The following ATP2C2 variants were observed in gnomAD, a reference collection of about 807,000 sequenced individuals.
The protein encoded by ATP2C2 is calcium-transporting ATPase type 2C member 2.
Under a neutral mutation model 110.8 loss-of-function variants are expected in ATP2C2, and 171 were observed. The observed-to-expected ratio is 1.54, with a 90% CI of 1.36 to 1.75. The LOEUF (loss-of-function observed/expected upper bound fraction) is 1.75. Among genes scored for constraint, ATP2C2 ranks in the 40% most tolerant of loss-of-function variants. The pLI, the probability that ATP2C2 is intolerant of heterozygous loss-of-function variation, is 0.00. For missense variants in ATP2C2, 1,963 were observed against 1,235.0 expected (o/e 1.59, Z -8.84); for synonymous variants, 804 against 508.4 (o/e 1.58, Z -7.82).
intron 11 of ATP2C2, among the ~76,000 whole-genome samples, chr16:84,427,612 G>C (rs1907914015): frequency 6.6e-6 from 1 of 152,122 alleles, no homozygotes; most frequent in Non-Finnish European, 1.5e-5. Flanking sequence ...AGCTACTCGG[G>C]AGGCTGAGGC....
intron 24 of ATP2C2, 23 bp downstream of exon 24, chr16:84,460,824 T>A: frequency 6.3e-7 from 1 of 1,597,888 alleles, no homozygotes; most frequent in South Asian, 1.1e-5. Context: ...CACCCCGGCC[T>A]GTTCTCCAAG....
chr16:84,400,000 C>T (rs1442586438), intron 2 of ATP2C2, among the ~76,000 whole-genome samples: 2 of 151,736 alleles, frequency 1.3e-5, no homozygotes, highest in East Asian at 1.9e-4. Flanking sequence ...CAGCGAGAAC[C>T]TGCAAAGTTT....
intron 3 of ATP2C2, among the ~76,000 whole-genome samples, chr16:84,408,149 A>C (rs1905942982): frequency 6.6e-6 from 1 of 152,208 alleles, no homozygotes; most frequent in Admixed American, 6.5e-5. Context: ...GGCGAGACCA[A>C]GAACTCAAAG....
intron 1 of ATP2C2, among the ~76,000 whole-genome samples, chr16:84,388,752 T>A (rs890203600): frequency 3.9e-5 from 6 of 152,140 alleles, no homozygotes; most frequent in Non-Finnish European, 7.4e-5. Context: ...TATTGTGAAA[T>A]TCTTTTTTTG....
Position 84,463,533 on chromosome 16 carries a change from G to C in ATP2C2, c.2723-81G>C, listed in dbSNP as rs1293554126. On this transcript the variant is annotated intron_variant, in intron 26 of 26. Coordinates refer to ENST00000262429, the MANE Select transcript of ATP2C2 (RefSeq NM_014861.4). The stretch of plus-strand genomic sequence containing the variant: ...CTCCGCACCTCTCACTTTATCAGGA[G>C]GACTGGCAGGGAAGGCGCTTCCTGC... The C allele has an allele frequency of 4.3e-6, 5 of 1,165,710 alleles. No individual in the cohort carries two copies. In the African/African-American group the frequency reaches 6.1e-5, roughly 14 times the overall value. 72.2% of individuals were successfully genotyped at this position (1,165,710 alleles called of 1,614,324 possible). A position where few individuals can be genotyped will look rare whatever the true frequency, so the allele number is the denominator to read the frequency against.
chr16:84,439,797 C>T (rs1228573864), intron 13 of ATP2C2, among the ~76,000 whole-genome samples: 4 of 152,154 alleles, frequency 2.6e-5, no homozygotes, highest in Admixed American at 6.5e-5. Flanking sequence ...TCTTCCATAC[C>T]TTCCACGATA....
intron 6 of ATP2C2, 55 bp from the exon 7 acceptor site, chr16:84,415,428 G>C: frequency 7.2e-7 from 1 of 1,397,636 alleles, no homozygotes; most frequent in East Asian, 2.3e-5. Context: ...GTATCAAGGT[G>C]CATAAAAACA....
Position 84,451,989 on chromosome 16 carries a change from C to T in ATP2C2, c.1729C>T (p.Pro577Ser). 6.2e-7 allele frequency: 1 copy of T among 1,613,996 alleles called. No homozygotes were observed. Among genetic ancestry groups the T allele is most frequent in the Non-Finnish European group, 8.5e-7 (1 of 1,179,986 alleles). ...TCTCGGTCTTGTGGGCATCATTGAC[C>T]CCCCGAGAGTTGGCGTGAAGGAAGC... ...TFLGLVGIID[P>S]PRVGVKEAVQ... Residue 577 changes from proline (P) to serine (S), a missense_variant, in exon 18 of 27, where the codon CCC (proline) becomes TCC (serine). Coordinates refer to ENST00000262429, the MANE Select transcript of ATP2C2 (RefSeq NM_014861.4).
At position 84,425,766 on chromosome 16, in the gene ATP2C2, G is replaced by A; in HGVS notation, c.951G>A (p.Gly317=). The A allele has an allele frequency of 6.2e-7, 1 of 1,614,134 alleles. No individual in the cohort carries two copies. Among genetic ancestry groups the A allele is most frequent in the Non-Finnish European group, 8.5e-7 (1 of 1,180,034 alleles). Residue 317 remains glycine (G), a synonymous_variant, in exon 11 of 27, where the codon GGG becomes GGA. Transcript: ENST00000262429. ...GLIMLIGWSQ[G]KQLLSMFTIG... ...TCATGCTCATTGGCTGGTCGCAAGGGAAACAACTCCTGAGTATGTTCACGA... is the reference window on the plus strand; with the variant it reads ...TCATGCTCATTGGCTGGTCGCAAGGAAAACAACTCCTGAGTATGTTCACGA...
At position 84,440,917 on chromosome 16, in the gene ATP2C2, A is replaced by G. The variant is rs1567726846; in HGVS notation, c.1270A>G (p.Ile424Val). 1 of 1,613,488 alleles carries G rather than the reference A, an allele frequency of 6.2e-7. No homozygotes were observed. Among genetic ancestry groups the G allele is most frequent in the Middle Eastern group, 1.6e-4 (1 of 6,062 alleles). Residue 424 changes from isoleucine to valine, a missense_variant, in exon 14 of 27, where the codon ATT becomes GTT. Coordinates refer to ENST00000262429, the MANE Select transcript of ATP2C2 (RefSeq NM_014861.4). ...GTGTCTTCTACCATCCAAGGAAGTC[A>G]TTAAGGAATTTTCCAATGTCTCAGT... Reference protein sequence around the residue: ...TVCLLPSKEVIKEFSNVSVGK... With the variant: ...TVCLLPSKEVVKEFSNVSVGK...
In ATP2C2 at chr16:84,463,945, G is replaced by T. The variant is rs987296502; in HGVS notation, c.*213G>T. 1 of 554,950 alleles carries T rather than the reference G, an allele frequency of 1.8e-6. No individual in the cohort carries two copies. The highest frequency in any genetic ancestry group is 1.9e-5 in the African/African-American group (1 of 53,104). 34.4% of individuals were successfully genotyped at this position (554,950 alleles called of 1,614,324 possible). A position where few individuals can be genotyped will look rare whatever the true frequency, so the allele number is the denominator to read the frequency against. ...GTTCCCGCTGGCTGTGGGACAGACA[G>T]GGAGGGGCCTGTACAGAAACACCAC... On this transcript the variant is annotated 3_prime_UTR_variant, in exon 27 of 27. Transcript: ENST00000262429.
intron 3 of ATP2C2, chr16:84,406,720 C>T (rs542813410): frequency 6.6e-6 from 6 of 908,260 alleles, no homozygotes; most frequent in South Asian, 5.1e-5. Flanking sequence ...AGTGGAGGCT[C>T]CCGGAAGTTG....
chr16:84,424,635 T>G (rs1907648736), intron 10 of ATP2C2, among the ~76,000 whole-genome samples: 1 of 149,164 alleles, frequency 6.7e-6, no homozygotes. Context: ...ATGGAGAGTT[T>G]TGACACTCAG....
chr16:84,448,811 G>C, intron 17 of ATP2C2, 122 bp downstream of exon 17: 1 of 1,342,444 alleles, frequency 7.4e-7, no homozygotes, highest in Non-Finnish European at 1.0e-6. Flanking sequence ...GCAGCATGCT[G>C]ACGGCAATAA....
In ATP2C2 at chr16:84,373,496, T is replaced by C. The variant is rs180821842; in HGVS notation, c.99+4782T>C. Among the ~76,000 whole-genome samples the C allele has an allele frequency of 2.4e-4, 31 of 129,326 alleles. 1 individual carries two copies. The highest frequency in any genetic ancestry group is 6.9e-4 in the Admixed American group (9 of 13,070). The allele number at this position is 129,326 out of a possible 152,430, so 84.8% of individuals were successfully genotyped here. A position where few individuals can be genotyped will look rare whatever the true frequency, so the allele number is the denominator to read the frequency against. On this transcript the variant is annotated intron_variant, in intron 1 of 26. Transcript: ENST00000262429. ...GCCTGGGTGACAGAGCGAGACTCCATCTCAAAACAACAACAACAAAAAAAG... is the reference window on the plus strand; with the variant it reads ...GCCTGGGTGACAGAGCGAGACTCCACCTCAAAACAACAACAACAAAAAAAG...
rs530311032 is a variant in ATP2C2 at position 84,433,251 on chromosome 16, T to A, written c.987-5915T>A. On this transcript the variant is annotated intron_variant, in intron 11 of 26. Transcript: ENST00000262429. ...TTTTGTTATTAGCCAGGTATGGTGG[T>A]GCACGCTTGTAGCCCCAGCTACTTG... Among the ~76,000 whole-genome samples, 37 of 152,048 alleles carry A rather than the reference T, an allele frequency of 2.4e-4. 1 individual carries two copies. The highest frequency in any genetic ancestry group is 8.2e-4 in the African/African-American group (34 of 41,458).
Position 84,422,386 on chromosome 16 carries a change from C to G in ATP2C2, c.625-4C>G. On this transcript the variant is annotated splice_polypyrimidine_tract_variant and splice_region_variant and intron_variant, in intron 7 of 26. Transcript: ENST00000262429. ...TCCACAGCCTTTTCCCCTTGCTCTCCTAGGTCACGGACCTCTTGGTGGATG... is the reference window on the plus strand; with the variant it reads ...TCCACAGCCTTTTCCCCTTGCTCTCGTAGGTCACGGACCTCTTGGTGGATG... The G allele has an allele frequency of 6.2e-7, 1 of 1,613,166 alleles. No homozygotes were observed. Among genetic ancestry groups the G allele is most frequent in the Non-Finnish European group, 8.5e-7 (1 of 1,179,632 alleles).
intron 1 of ATP2C2, among the ~76,000 whole-genome samples, chr16:84,397,670 A>AAAAAAAAAAAAAC (rs1555553736): frequency 3.4e-5 from 5 of 145,792 alleles, no homozygotes; most frequent in Non-Finnish European, 6.1e-5. Context: ...AAAAAAAAAA[A>AAAAAAAAAAAAAC]AAACTTGCTT....
At chr16:84,388,551 C>G (rs905784819) in intron 1 of ATP2C2, among the ~76,000 whole-genome samples, 2 of 152,112 alleles carry the variant, frequency 1.3e-5, no homozygotes, top group African/African-American at 4.8e-5. Context: ...ATACCCAGAT[C>G]TGTGCCTTGG....
Sources: allele counts gnomAD v4.1 joint callset (sites outside exome capture counted in the v4.1 genomes callset), GRCh38; gene constraint gnomAD v4.1.1; transcripts MANE v1.5; gene names NCBI Gene and HGNC (gene_info 2026-07-23, HGNC 2026-07-21).